The following FBN2 variants were observed in gnomAD, a reference collection of about 807,000 sequenced individuals.
FBN2 encodes fibrillin-2.
FBN2 carries 105 observed loss-of-function variants against 355.6 expected under a neutral mutation model. The ratio of observed to expected loss-of-function variants is 0.30; its 90% confidence interval spans 0.25 to 0.35. FBN2 has a LOEUF of 0.35. FBN2 is among the 10% of genes least tolerant of loss of function. The probability of loss-of-function intolerance (pLI) is 1.00; values close to 1 mark genes in which losing one functional copy is unlikely to be tolerated. For synonymous variants in FBN2, 1,350 were observed against 1,301.2 expected, an observed-to-expected ratio of 1.04 and a Z score of -0.81; for missense variants, 3,280 against 3,758.7, an observed-to-expected ratio of 0.87 and a Z score of 3.33.
intron 48 of FBN2, 122 bp from the exon 49 acceptor site, chr5:128,291,776 C>A: frequency 2.0e-6 from 2 of 994,634 alleles, no homozygotes; most frequent in South Asian, 2.7e-5. Flanking sequence ...GTATGTTTAA[C>A]TTATTCATAA....
At chr5:128,459,136 A>T (rs551000305) in intron 6 of FBN2, among the ~76,000 whole-genome samples, 1 of 152,324 alleles carries the variant, frequency 6.6e-6, no homozygotes, top group African/African-American at 2.4e-5. Flanking sequence ...CACTGACCCC[A>T]CAGAAATACA....
intron 27 of FBN2, among the ~76,000 whole-genome samples, chr5:128,336,402 A>T (rs1390127885): frequency 6.6e-6 from 1 of 152,258 alleles, no homozygotes; most frequent in Non-Finnish European, 1.5e-5. Context: ...TAACTAAGGA[A>T]TATTTAATGT....
intron 63 of FBN2, 80 bp downstream of exon 63, chr5:128,263,345 C>G: frequency 9.2e-7 from 1 of 1,082,728 alleles, no homozygotes; most frequent in Non-Finnish European, 1.4e-6. Flanking sequence ...ACACTGTACT[C>G]TTCCCTGCAG....
At position 128,384,934 on chromosome 5, in the gene FBN2, C is replaced by A. The variant is rs573113137; in HGVS notation, c.1604-6044G>T. Among the ~76,000 whole-genome samples, 18 of 152,208 alleles carry A rather than the reference C, an allele frequency of 1.2e-4. No homozygotes were observed. In the South Asian group the frequency reaches 3.1e-3, roughly 26 times the overall value. ...GCACAAATAGGGAGCCTAGACAGTACAAACAACTTTAATTCTCAAAATTTT... is the reference window on the plus strand; with the variant it reads ...GCACAAATAGGGAGCCTAGACAGTAAAAACAACTTTAATTCTCAAAATTTT... On this transcript the variant is annotated intron_variant, in intron 11 of 64. Transcript: ENST00000262464.
At chr5:128,358,763 G>A (rs26025) in intron 19 of FBN2, among the ~76,000 whole-genome samples, 39,727 of 151,822 alleles carry the variant, frequency 0.26, 6,772 homozygotes, top group East Asian at 0.78. Flanking sequence ...CAAATCTAAG[G>A]ACAGACCACA....
chr5:128,293,132 GTA>G (rs919805381), intron 48 of FBN2, among the ~76,000 whole-genome samples: 16 of 152,290 alleles, frequency 1.1e-4, no homozygotes, highest in African/African-American at 3.8e-4. Flanking sequence ...CTATGTCTGT[GTA>G]TGTGTGTGTG....
At chr5:128,341,497 G>A (rs1751019696) in intron 25 of FBN2, among the ~76,000 whole-genome samples, 3 of 152,300 alleles carry the variant, frequency 2.0e-5, no homozygotes, top group East Asian at 1.9e-4. Context: ...TATTGGTAGT[G>A]TCGCTGGCAG....
intron 4 of FBN2, 65 bp from the exon 5 acceptor site, chr5:128,519,433 G>T: frequency 8.7e-7 from 1 of 1,151,346 alleles, no homozygotes; most frequent in Non-Finnish European, 1.3e-6. Flanking sequence ...TAGTAGTGCA[G>T]TGATGCTGCC....
intron 6 of FBN2, among the ~76,000 whole-genome samples, chr5:128,448,296 T>C (rs1404803834): frequency 6.6e-6 from 1 of 151,888 alleles, no homozygotes; most frequent in East Asian, 1.9e-4. Context: ...CTATCCAATA[T>C]CCTAATTTTC....
chr5:128,520,857 A>G (rs554899104), intron 4 of FBN2, among the ~76,000 whole-genome samples: 9 of 152,254 alleles, frequency 5.9e-5, no homozygotes, highest in African/African-American at 2.2e-4. Flanking sequence ...AGTCCTACAT[A>G]GCACTTCCCA....
rs561343331 is a variant in FBN2 at position 128,257,922 on chromosome 5, G to A, written c.*1533C>T. ...CAGTCAGAAAAATACCCCAAAATAA[G>A]CTTTATTGCAAGAAAAGTGTCATAT... On this transcript the variant is annotated 3_prime_UTR_variant, in exon 65 of 65. Coordinates refer to ENST00000262464, the MANE Select transcript of FBN2 (RefSeq NM_001999.4). 3 of 152,444 alleles carry A rather than the reference G, an allele frequency of 2.0e-5. No individual in the cohort carries two copies. The highest frequency in any genetic ancestry group is 7.2e-5 in the African/African-American group (3 of 41,434). The allele number at this position is 152,444 out of a possible 1,614,324, so 9.4% of individuals were successfully genotyped here.
At chr5:128,317,334 T>G (rs1279420023) in intron 36 of FBN2, among the ~76,000 whole-genome samples, 2 of 152,208 alleles carry the variant, frequency 1.3e-5, no homozygotes, top group Non-Finnish European at 2.9e-5. Context: ...GCACTCAAAC[T>G]TTACCAAATG....
At chr5:128,370,482 A>G (rs988126523) in intron 15 of FBN2, among the ~76,000 whole-genome samples, 41 of 152,272 alleles carry the variant, frequency 2.7e-4, no homozygotes, top group African/African-American at 9.4e-4. Flanking sequence ...GAGGCCATGG[A>G]ATTCACCAAC....
intron 7 of FBN2, among the ~76,000 whole-genome samples, chr5:128,432,293 G>A (rs145052326): frequency 3.3e-5 from 5 of 151,832 alleles, no homozygotes; most frequent in Admixed American, 2.0e-4. Flanking sequence ...CTATTTGTCC[G>A]TGGGCCACTT....
At chr5:128,364,108 A>T (rs1751707391) in intron 18 of FBN2, among the ~76,000 whole-genome samples, 1 of 152,200 alleles carries the variant, frequency 6.6e-6, no homozygotes, top group African/African-American at 2.4e-5. Flanking sequence ...TGCATTTGTT[A>T]AACATAAATT....
chr5:128,268,011 C>T (rs894043089), intron 62 of FBN2, among the ~76,000 whole-genome samples: 6 of 151,894 alleles, frequency 4.0e-5, no homozygotes, highest in East Asian at 1.9e-4. Flanking sequence ...AGCTAACAGA[C>T]GACAAGAAAT....
chr5:128,443,848 G>A (rs1753989185), intron 7 of FBN2, among the ~76,000 whole-genome samples: 1 of 151,992 alleles, frequency 6.6e-6, no homozygotes, highest in Non-Finnish European at 1.5e-5. Flanking sequence ...ACCTTTGATA[G>A]TTGATCAAAA....
intron 6 of FBN2, among the ~76,000 whole-genome samples, chr5:128,464,265 A>C (rs1478259570): frequency 6.6e-6 from 1 of 152,174 alleles, no homozygotes; most frequent in Non-Finnish European, 1.5e-5. Context: ...CAGAGTTCAC[A>C]TTTTGTCTTT....
intron 8 of FBN2, among the ~76,000 whole-genome samples, chr5:128,408,099 G>C (rs1220146838): frequency 2.0e-5 from 3 of 152,162 alleles, no homozygotes; most frequent in African/African-American, 7.2e-5. Context: ...TCACTGTGCT[G>C]TGATTATGCA....
Sources: gnomAD v4.1 joint callset for allele counts (sites outside exome capture counted in the v4.1 genomes callset) on GRCh38, gnomAD v4.1.1 for gene constraint, MANE v1.5 for transcripts, NCBI Gene and HGNC (gene_info 2026-07-23, HGNC 2026-07-21) for gene names.